Variants in PDE4DIP observed in about 807,000 individuals in gnomAD.
PDE4DIP encodes the protein phosphodiesterase 4D interacting protein.
In PDE4DIP, 59 loss-of-function variants were observed where a neutral mutation model predicts 221.4. The ratio of observed to expected loss-of-function variants is 0.27; its 90% CI spans 0.22 to 0.33. The LOEUF is 0.33. PDE4DIP is among the 10% of genes least tolerant of loss of function. The pLI is 1.00. For missense variants in PDE4DIP, 1,036 were observed against 2,154.2 expected, an observed-to-expected ratio of 0.48 and a Z score of 10.28; for synonymous variants, 404 against 815.9, an observed-to-expected ratio of 0.50 and a Z score of 8.60.
intron 1 of PDE4DIP, among the ~76,000 whole-genome samples, chr1:148,823,799 G>A (rs1553363174): frequency 6.6e-6 from 1 of 150,416 alleles, no homozygotes; most frequent in African/African-American, 2.5e-5. Flanking sequence ...AAAAAAGTGT[G>A]CTTGGTAGTA....
At chr1:149,014,226 G>T (rs1211718275) in intron 32 of PDE4DIP, among the ~76,000 whole-genome samples, 6 of 96,242 alleles carry the variant, frequency 6.2e-5, no homozygotes, top group Admixed American at 3.4e-4. Context: ...TTCTGCTCCA[G>T]GTTTTATGTT....
At chr1:148,988,043 TTG>T (rs1265022424) in intron 21 of PDE4DIP, among the ~76,000 whole-genome samples, 2 of 152,170 alleles carry the variant, frequency 1.3e-5, no homozygotes, top group East Asian at 3.8e-4. Flanking sequence ...AGCCAAAGAG[TTG>T]TCACTCCTTA....
intron 40 of PDE4DIP, among the ~76,000 whole-genome samples, chr1:149,028,209 C>T (rs11487289): frequency 2.8e-4 from 43 of 151,186 alleles, no homozygotes; most frequent in African/African-American, 9.5e-4. Context: ...AGACACACAC[C>T]CAAGTAGATA....
chr1:148,981,378 G>T, exon 21 of PDE4DIP: 1 of 1,614,064 alleles, frequency 6.2e-7, no homozygotes, highest in African/African-American at 1.3e-5. Flanking sequence ...ACAGGCTGGA[G>T]ACCCTGGCCG....
At chr1:149,013,781 CTTTTTTTTTTT>C (rs71582768) in intron 32 of PDE4DIP, among the ~76,000 whole-genome samples, 418 of 31,960 alleles carry the variant, frequency 0.013, 20 homozygotes, top group African/African-American at 0.062. Context: ...CCTTCTTCCT[CTTTTTTTTTTT>C]TTTTTTTTTT....
At chr1:148,955,698 G>A (rs1574241871) in intron 5 of PDE4DIP, among the ~76,000 whole-genome samples, 2 of 151,912 alleles carry the variant, frequency 1.3e-5, no homozygotes, top group East Asian at 3.8e-4. Context: ...ATTCTTTAGA[G>A]ATTATGTGAA....
At chr1:149,032,902 G>A (rs74116922) in exon 44 of PDE4DIP, 10 of 205,864 alleles carry the variant, frequency 4.9e-5, no homozygotes, top group South Asian at 1.9e-4. Context: ...TGTTGCTAAC[G>A]CCATATATTG....
At chr1:149,024,228 G>A in intron 37 of PDE4DIP, 1 of 518,658 alleles carries the variant, frequency 1.9e-6, no homozygotes, top group South Asian at 2.3e-5. Context: ...AGGTGCATGT[G>A]TGTAACTTAA....
chr1:148,950,596 T>G (rs2052924288), intron 5 of PDE4DIP, among the ~76,000 whole-genome samples: 1 of 115,314 alleles, frequency 8.7e-6, no homozygotes. Context: ...CTGGGGAGGC[T>G]TCAGGAAGGC....
At chr1:149,022,765 A>G (rs71230126) in intron 37 of PDE4DIP, among the ~76,000 whole-genome samples, 457 of 150,646 alleles carry the variant, frequency 3.0e-3, no homozygotes, top group Non-Finnish European at 4.8e-3. Flanking sequence ...TTCTTTTTCA[A>G]AGAAGATAAG....
rs151144469 is a variant in PDE4DIP, at chr1:148,962,598, C to T, written c.1152C>T (p.His384=). ...TGCAATTTGTAGAGGCTGCAGCACA[C>T]GAGAGTGAACAGCAGAAAGAGGCTT... The change falls in exon 9 of 44, where the codon CAC becomes CAT. Residue 384 remains histidine (H), a synonymous_variant. Coordinates refer to ENST00000369354, the Ensembl canonical transcript of PDE4DIP. The T allele has an allele frequency of 3.4e-5, 20 of 595,056 alleles. No individual in the cohort carries two copies. Among genetic ancestry groups the T allele is most frequent in the East Asian group, 8.1e-5 (3 of 37,192 alleles). 36.9% of individuals were successfully genotyped at this position (595,056 alleles called of 1,614,324 possible).
intron 9 of PDE4DIP, among the ~76,000 whole-genome samples, chr1:148,964,627 T>TG (rs1255134692): frequency 1.4e-5 from 2 of 144,034 alleles, no homozygotes; most frequent in African/African-American, 2.6e-5. Flanking sequence ...CTGGGCACAG[T>TG]GGCTCACGCC....
intron 17 of PDE4DIP, among the ~76,000 whole-genome samples, chr1:148,975,568 C>T (rs1574705800): frequency 6.6e-6 from 1 of 152,144 alleles, no homozygotes; most frequent in Non-Finnish European, 1.5e-5. Flanking sequence ...ATTTTTCCCA[C>T]CTTATGCTTT....
chr1:148,975,178 A>T (rs587719810), intron 17 of PDE4DIP, among the ~76,000 whole-genome samples: 13 of 147,346 alleles, frequency 8.8e-5, no homozygotes, highest in Non-Finnish European at 1.5e-4. Context: ...CCTCCAAGAT[A>T]ATAATAATAA....
chr1:148,948,872 T>C (rs1376464729), intron 5 of PDE4DIP, among the ~76,000 whole-genome samples: 2 of 152,152 alleles, frequency 1.3e-5, no homozygotes, highest in African/African-American at 2.4e-5. Context: ...TCCTGACTTA[T>C]ATCACAATAG....
At chr1:148,877,567 TACTC>T (rs587641366) in intron 3 of PDE4DIP, among the ~76,000 whole-genome samples, 222 of 111,794 alleles carry the variant, frequency 2.0e-3, no homozygotes, top group African/African-American at 8.5e-3. Context: ...ACTGGGCACT[TACTC>T]AATCTGAAGA....
intron 1 of PDE4DIP, among the ~76,000 whole-genome samples, chr1:148,911,860 A>G (rs1337232224): frequency 1.3e-5 from 2 of 149,506 alleles, no homozygotes; most frequent in African/African-American, 5.0e-5. Flanking sequence ...CTTTCCCCAT[A>G]TGGCCACTTC....
intron 5 of PDE4DIP, chr1:148,952,362 A>G (rs2053621564): frequency 3.8e-6 from 4 of 1,061,686 alleles, no homozygotes; most frequent in Non-Finnish European, 4.6e-6. Flanking sequence ...CGCTGGCGCC[A>G]TCTTGAAATC....
In PDE4DIP at chr1:148,937,740, G is replaced by C. The variant is rs1244705531; in HGVS notation, c.519-7G>C. On this transcript the variant is annotated splice_polypyrimidine_tract_variant and splice_region_variant and intron_variant, in intron 4 of 43. Transcript: ENST00000369354. The stretch of plus-strand genomic sequence containing the variant: ...TAATTACTGTCCTTACTTTTCCTTT[G>C]CTTCAGGAGAATTGAAGAACTGAAT... 1.2e-5 allele frequency: 14 copies of C among 1,216,506 alleles called. No homozygotes were observed. Among genetic ancestry groups the C allele is most frequent in the Non-Finnish European group, 1.7e-5 (14 of 820,074 alleles). The allele number at this position is 1,216,506 out of a possible 1,614,324, so 75.4% of individuals were successfully genotyped here.
Sources: gnomAD v4.1 joint callset for allele counts (sites outside exome capture counted in the v4.1 genomes callset) on GRCh38, gnomAD v4.1.1 for gene constraint, MANE v1.5 for transcripts, NCBI Gene and HGNC (gene_info 2026-07-23, HGNC 2026-07-21) for gene names.